GALNTL6: variants seen among roughly 807,000 people sequenced by gnomAD.
GALNTL6 encodes the protein polypeptide N-acetylgalactosaminyltransferase-like 6.
GALNTL6 carries 46 observed loss-of-function variants against 73.7 expected under a neutral mutation model. The ratio of observed to expected loss-of-function variants is 0.62; its 90% CI spans 0.49 to 0.80. GALNTL6 has a LOEUF of 0.80. Ranked by LOEUF, GALNTL6 falls within the 30% of genes least tolerant of loss-of-function variation. GALNTL6 has a pLI of 0.00. For missense variants in GALNTL6, 604 were observed against 755.0 expected (o/e 0.80, Z 2.34); for synonymous variants, 259 against 263.7 (o/e 0.98, Z 0.17).
intron 7 of GALNTL6, among the ~76,000 whole-genome samples, chr4:172,846,771 G>A (rs1743531666): frequency 2.0e-5 from 3 of 152,064 alleles, no homozygotes; most frequent in Admixed American, 1.3e-4. Flanking sequence ...GTACACTGCA[G>A]GCACTACTGA....
intron 5 of GALNTL6, among the ~76,000 whole-genome samples, chr4:172,408,571 C>T (rs1744317875): frequency 6.6e-6 from 1 of 151,738 alleles, no homozygotes; most frequent in Admixed American, 6.6e-5. Flanking sequence ...TACACATGCA[C>T]ATTATTATGC....
rs75168607 is a variant in GALNTL6 at position 172,672,341 on chromosome 4, G to T, written c.554-137020G>T. The stretch of plus-strand genomic sequence containing the variant: ...GATTTGCATGTGCTGAACCAACGTT[G>T]CATCCAGGAATAAAGCCTACTTAAT... On this transcript the variant is annotated intron_variant, in intron 5 of 12. Coordinates refer to ENST00000506823, the MANE Select transcript of GALNTL6 (RefSeq NM_001034845.3). 7.0e-3 allele frequency among the ~76,000 whole-genome samples: 1,069 copies of T among 152,344 alleles called. 15 individuals are homozygous for T. Among genetic ancestry groups the T allele is most frequent in the East Asian group, 0.057 (294 of 5,190 alleles).
At position 171,965,396 on chromosome 4, in the gene GALNTL6, C is replaced by T. The variant is rs190384520; in HGVS notation, c.138+150678C>T. Among the ~76,000 whole-genome samples the T allele has an allele frequency of 6.8e-3, 1,039 of 152,238 alleles. 6 individuals are homozygous for T. Among genetic ancestry groups the T allele is most frequent in the Non-Finnish European group, 0.012 (806 of 68,018 alleles). ...TGGGGGCTGGGGGCAGTGGCTCACG[C>T]CTGTAATCCCAGCACTTTGGGAAAC... is the stretch of plus-strand genomic sequence containing the variant. On this transcript the variant is annotated intron_variant, in intron 2 of 12. Coordinates refer to ENST00000506823, the MANE Select transcript of GALNTL6 (RefSeq NM_001034845.3).
chr4:172,839,990 G>T (rs1383040859), intron 7 of GALNTL6, among the ~76,000 whole-genome samples: 2 of 152,178 alleles, frequency 1.3e-5, no homozygotes. Context: ...ATAGAGGTAT[G>T]ATCTTAACTC....
chr4:172,602,618 G>T (rs1560830285), intron 5 of GALNTL6, among the ~76,000 whole-genome samples: 1 of 152,092 alleles, frequency 6.6e-6, no homozygotes, highest in Admixed American at 6.6e-5. Context: ...TAGAAAAAAA[G>T]AATTCTCATA....
chr4:172,648,969 A>G (rs1169750517), intron 5 of GALNTL6, among the ~76,000 whole-genome samples: 2 of 152,162 alleles, frequency 1.3e-5, no homozygotes, highest in African/African-American at 4.8e-5. Context: ...CTTAGTTCAG[A>G]TGGCTGAAGG....
chr4:171,996,522 A>G (rs925831065), intron 2 of GALNTL6, among the ~76,000 whole-genome samples: 51 of 152,086 alleles, frequency 3.4e-4, no homozygotes, highest in African/African-American at 1.2e-3. Context: ...AATTATAATT[A>G]AAAGCAAGAC....
At chr4:171,947,728 A>G (rs897105110) in intron 2 of GALNTL6, among the ~76,000 whole-genome samples, 2 of 152,134 alleles carry the variant, frequency 1.3e-5, no homozygotes, top group African/African-American at 2.4e-5. Context: ...AATCTGGGAA[A>G]CAGGGGTGGA....
In GALNTL6 at chr4:172,292,434, T is replaced by C. The variant is rs547168319; in HGVS notation, c.248-19180T>C. Among the ~76,000 whole-genome samples, 8 of 152,270 alleles carry C rather than the reference T, an allele frequency of 5.3e-5. No homozygotes were observed. In the South Asian group the frequency reaches 1.7e-3, roughly 32 times the overall value. On this transcript the variant is annotated intron_variant, in intron 3 of 12. Transcript: ENST00000506823. ...AGGATAATATTGCATGAATATGGTTTATTAATATTCATACTGATACAATCC... is the reference window on the plus strand; with the variant it reads ...AGGATAATATTGCATGAATATGGTTCATTAATATTCATACTGATACAATCC...
chr4:171,986,247 G>A (rs1740079826), intron 2 of GALNTL6, among the ~76,000 whole-genome samples: 1 of 151,670 alleles, frequency 6.6e-6, no homozygotes, highest in Non-Finnish European at 1.5e-5. Flanking sequence ...TATAGGATTT[G>A]GGTAGATAAA....
intron 10 of GALNTL6, among the ~76,000 whole-genome samples, chr4:173,000,200 T>C (rs1013416997): frequency 1.3e-5 from 2 of 152,154 alleles, no homozygotes; most frequent in Admixed American, 1.3e-4. Flanking sequence ...GGAAAAAAAC[T>C]GAGGCAAAAA....
chr4:171,879,476 A>T (rs1407326719), intron 2 of GALNTL6, among the ~76,000 whole-genome samples: 1 of 152,196 alleles, frequency 6.6e-6, no homozygotes, highest in African/African-American at 2.4e-5. Flanking sequence ...AATTAGTGTT[A>T]CAGTAGCCTT....
intron 5 of GALNTL6, among the ~76,000 whole-genome samples, chr4:172,354,896 C>T (rs775171033): frequency 1.3e-4 from 19 of 151,976 alleles, no homozygotes; most frequent in Non-Finnish European, 2.4e-4. Context: ...TTTATGGTAG[C>T]TTTGTATTGT....
chr4:172,465,733 G>A (rs1036676477), intron 5 of GALNTL6, among the ~76,000 whole-genome samples: 18 of 152,100 alleles, frequency 1.2e-4, no homozygotes, highest in African/African-American at 4.1e-4. Context: ...TTATATAAAT[G>A]TTCTGTCCTG....
intron 4 of GALNTL6, among the ~76,000 whole-genome samples, chr4:172,340,779 G>C (rs4692916): frequency 0.57 from 86,766 of 151,972 alleles, 27,021 homozygotes; most frequent in Non-Finnish European, 0.71. Context: ...TTCTCCATAA[G>C]CATTAGTTTT....
chr4:172,291,321 G>A (rs1435342144), intron 3 of GALNTL6, among the ~76,000 whole-genome samples: 2 of 151,862 alleles, frequency 1.3e-5, no homozygotes, highest in Non-Finnish European at 2.9e-5. Flanking sequence ...AAAATAAGTG[G>A]CAAGATAATA....
intron 5 of GALNTL6, among the ~76,000 whole-genome samples, chr4:172,745,442 T>TAC (rs1737054874): frequency 1.1e-5 from 1 of 91,298 alleles, no homozygotes; most frequent in African/African-American, 5.4e-5. Flanking sequence ...TATATATATA[T>TAC]ATGTACACAT....
chr4:172,375,587 C>A (rs1008625048), intron 5 of GALNTL6, among the ~76,000 whole-genome samples: 6 of 152,270 alleles, frequency 3.9e-5, no homozygotes, highest in African/African-American at 9.6e-5. Flanking sequence ...GCAGAAACAA[C>A]CCCTACCCAA....
At chr4:172,371,382 T>C (rs1020260076) in intron 5 of GALNTL6, among the ~76,000 whole-genome samples, 1 of 152,258 alleles carries the variant, frequency 6.6e-6, no homozygotes, top group Non-Finnish European at 1.5e-5. Flanking sequence ...GCTTTCGGGC[T>C]ATGCCCTTGT....
Sources: allele counts gnomAD v4.1 joint callset (sites outside exome capture counted in the v4.1 genomes callset), GRCh38; gene constraint gnomAD v4.1.1; transcripts MANE v1.5; gene names NCBI Gene and HGNC (gene_info 2026-07-23, HGNC 2026-07-21).